CELF4: variants seen among roughly 807,000 people sequenced by gnomAD.
The protein encoded by CELF4 is CUG-BP- and ETR-3-like factor 4.
A neutral mutation model predicts 59.9 loss-of-function variants in CELF4; 18 were observed. The observed-to-expected ratio is 0.30, with a 90% CI of 0.21 to 0.45. CELF4 has a LOEUF of 0.45. Among genes scored for constraint, CELF4 ranks in the 20% least tolerant of loss-of-function variants. The pLI is 1.00. For missense variants in CELF4, 456 were observed against 689.0 expected (o/e 0.66, Z 3.79); for synonymous variants, 261 against 267.1 (o/e 0.98, Z 0.22).
chr18:37,285,233 T>G (rs2094615586), intron 3 of CELF4, among the ~76,000 whole-genome samples: 1 of 152,224 alleles, frequency 6.6e-6, no homozygotes, highest in Non-Finnish European at 1.5e-5. Context: ...CCTGCCTGTC[T>G]TGAAGTCTCC....
intron 2 of CELF4, among the ~76,000 whole-genome samples, chr18:37,483,458 AG>A (rs1358133883): frequency 6.6e-6 from 1 of 152,056 alleles, no homozygotes; most frequent in East Asian, 1.9e-4. Flanking sequence ...ATGGTGTTCG[AG>A]GGGACTCTAG....
chr18:37,519,584 G>T (rs897213790), intron 1 of CELF4, among the ~76,000 whole-genome samples: 1 of 152,198 alleles, frequency 6.6e-6, no homozygotes, highest in Non-Finnish European at 1.5e-5. Flanking sequence ...TCAGGTGTTC[G>T]TCAGTCTGCA....
rs751453371 is a variant in CELF4 at position 37,274,298 on chromosome 18, C to T, written c.801+13G>A. The T allele has an allele frequency of 1.2e-6, 2 of 1,610,168 alleles. No individual in the cohort carries two copies. The highest frequency in any genetic ancestry group is 1.7e-6 in the Non-Finnish European group (2 of 1,179,038). On this transcript the variant is annotated intron_variant, in intron 6 of 12. Transcript: ENST00000420428. ...GAGCTTGAGAACCGCTGCCCGTGCG[C>T]GCTGCCACTTACTGCCTGAGCGTAG...
At chr18:37,282,885 C>T (rs2094321394) in intron 3 of CELF4, among the ~76,000 whole-genome samples, 1 of 152,208 alleles carries the variant, frequency 6.6e-6, no homozygotes, top group African/African-American at 2.4e-5. Context: ...CCCTCCACTG[C>T]ACTGTGCTAG....
Position 37,284,857 on chromosome 18 carries a change from T to C in CELF4, c.449-9614A>G, listed in dbSNP as rs1007686427. On this transcript the variant is annotated intron_variant, in intron 3 of 12. Coordinates refer to ENST00000420428, the MANE Select transcript of CELF4 (RefSeq NM_020180.4). Reference sequence around the variant, plus strand: ...AACTGAGGCACAGAGAAGTTAAATATCTTTCCCAAGAAATCACACCCAGTC... The same window carrying C: ...AACTGAGGCACAGAGAAGTTAAATACCTTTCCCAAGAAATCACACCCAGTC... Among the ~76,000 whole-genome samples the C allele has an allele frequency of 2.6e-5, 4 of 152,198 alleles. No homozygotes were observed. The East Asian group carries it at 5.8e-4, about 22-fold the overall frequency.
At chr18:37,336,509 C>T (rs2097775138) in intron 2 of CELF4, among the ~76,000 whole-genome samples, 1 of 152,134 alleles carries the variant, frequency 6.6e-6, no homozygotes, top group Non-Finnish European at 1.5e-5. Context: ...AGCATGGCCT[C>T]CCCTCCACAA....
rs113906656 is a variant in CELF4, at chr18:37,284,745, C to T, written c.449-9502G>A. On this transcript the variant is annotated intron_variant, in intron 3 of 12. Coordinates refer to ENST00000420428, the MANE Select transcript of CELF4 (RefSeq NM_020180.4). ...AGAAGAATCACAATGGTTCTCATTTCGCCCCCAGTTACTATGATCCAGACA... is the reference window on the plus strand; with the variant it reads ...AGAAGAATCACAATGGTTCTCATTTTGCCCCCAGTTACTATGATCCAGACA... Among the ~76,000 whole-genome samples the T allele has an allele frequency of 7.2e-5, 11 of 152,342 alleles. 1 individual carries two copies. Among genetic ancestry groups the T allele is most frequent in the African/African-American group, 2.4e-4 (10 of 41,578 alleles).
intron 1 of CELF4, among the ~76,000 whole-genome samples, chr18:37,523,794 C>T (rs2099960352): frequency 1.3e-5 from 2 of 152,250 alleles, no homozygotes; most frequent in South Asian, 4.1e-4. Context: ...AGTCTCTACA[C>T]TGTCTTTAAT....
At chr18:37,383,325 C>T (rs2099063662) in intron 2 of CELF4, among the ~76,000 whole-genome samples, 1 of 152,136 alleles carries the variant, frequency 6.6e-6, no homozygotes, top group Admixed American at 6.5e-5. Flanking sequence ...CAGGAAATGG[C>T]CCTGTCCCTG....
At chr18:37,539,448 G>GACACAC (rs35598472) in intron 1 of CELF4, among the ~76,000 whole-genome samples, 3,110 of 134,736 alleles carry the variant, frequency 0.023, 45 homozygotes, top group Middle Eastern at 0.037. Context: ...GCACCTCTAA[G>GACACAC]ACACACACAC....
intron 2 of CELF4, among the ~76,000 whole-genome samples, chr18:37,380,610 C>T (rs2099025898): frequency 6.6e-6 from 1 of 152,092 alleles, no homozygotes; most frequent in Admixed American, 6.5e-5. Context: ...ATCCACCATT[C>T]ATCCATCTAT....
At chr18:37,378,216 C>G (rs1219345119) in intron 2 of CELF4, among the ~76,000 whole-genome samples, 1 of 152,196 alleles carries the variant, frequency 6.6e-6, no homozygotes, top group Non-Finnish European at 1.5e-5. Flanking sequence ...GAGAGGACTG[C>G]TCGCCCCACG....
intron 3 of CELF4, among the ~76,000 whole-genome samples, chr18:37,315,527 C>T (rs1319333798): frequency 6.6e-6 from 1 of 152,124 alleles, no homozygotes; most frequent in African/African-American, 2.4e-5. Context: ...GTCCCCACCT[C>T]CTAGCAGTAA....
intron 1 of CELF4, among the ~76,000 whole-genome samples, chr18:37,491,985 C>T (rs1405577995): frequency 1.3e-5 from 2 of 152,186 alleles, no homozygotes; most frequent in African/African-American, 2.4e-5. Flanking sequence ...AGGGCCGAAG[C>T]CTGGGGTGTA....
intron 2 of CELF4, among the ~76,000 whole-genome samples, chr18:37,359,251 G>T (rs1296421833): frequency 2.0e-5 from 3 of 152,348 alleles, no homozygotes; most frequent in African/African-American, 4.8e-5. Context: ...GATCTCAGAG[G>T]TGCCAAAGAA....
Position 37,243,186 on chromosome 18 carries a change from C to CTTTTTTTTTTTTTTTTTTTTTTTTATTTT in CELF4, c.*2055_*2056insAAAATAAAAAAAAAAAAAAAAAAAAAAAA. ...TGTTTTCTTTTTTTTTTCTTTTTTT[C>CTTTTTTTTTTTTTTTTTTTTTTTTATTTT]TTTTTTTTTTTTTTTTTTTTACATC... On this transcript the variant is annotated 3_prime_UTR_variant, in exon 13 of 13. Coordinates refer to ENST00000420428, the MANE Select transcript of CELF4 (RefSeq NM_020180.4). 9.9e-6 allele frequency: 1 copy of CTTTTTTTTTTTTTTTTTTTTTTTTATTTT among 100,554 alleles called. No homozygotes were observed. The highest frequency in any genetic ancestry group is 1.9e-5 in the Non-Finnish European group (1 of 52,220). 6.2% of individuals were successfully genotyped at this position (100,554 alleles called of 1,614,324 possible). A position where few individuals can be genotyped will look rare whatever the true frequency, so the allele number is the denominator to read the frequency against.
chr18:37,348,760 C>T (rs1382907113), intron 2 of CELF4, among the ~76,000 whole-genome samples: 1 of 152,200 alleles, frequency 6.6e-6, no homozygotes, highest in Non-Finnish European at 1.5e-5. Flanking sequence ...TCTCACACCT[C>T]CTTTCCTCCT....
intron 1 of CELF4, among the ~76,000 whole-genome samples, chr18:37,551,348 A>G (rs2099983119): frequency 6.6e-6 from 1 of 152,216 alleles, no homozygotes; most frequent in South Asian, 2.1e-4. Flanking sequence ...TTTCTCTTCC[A>G]GAGATGGGAG....
Position 37,407,595 on chromosome 18 carries a change from GTATA to G in CELF4, c.369+77926_369+77929del, listed in dbSNP as rs142573082. On this transcript the variant is annotated intron_variant, in intron 2 of 12. Coordinates refer to ENST00000420428, the MANE Select transcript of CELF4 (RefSeq NM_020180.4). Reference sequence around the variant, plus strand: ...TGTGTGTATGTGTGTGGGTATATGTGTATATATATACACACATATACCCACACAC... The same window carrying G: ...TGTGTGTATGTGTGTGGGTATATGTGTATATACACACATATACCCACACAC... 1.1e-3 allele frequency among the ~76,000 whole-genome samples: 106 copies of G among 95,628 alleles called. 1 individual carries two copies. The South Asian group carries it at 0.025, about 23-fold the overall frequency. The allele number at this position is 95,628 out of a possible 152,430, so 62.7% of individuals were successfully genotyped here.
Sources: allele counts gnomAD v4.1 joint callset (sites outside exome capture counted in the v4.1 genomes callset), GRCh38; gene constraint gnomAD v4.1.1; transcripts MANE v1.5; gene names NCBI Gene and HGNC (gene_info 2026-07-23, HGNC 2026-07-21).